ZNF844: variants seen among roughly 807,000 people sequenced by gnomAD.
ZNF844 encodes the protein zinc finger protein 844.
A neutral mutation model predicts 11.4 loss-of-function variants in ZNF844; 11 were observed. The observed-to-expected ratio is 0.97, with a 90% CI of 0.61 to 1.60. The LOEUF is 1.60. Among genes scored for constraint, ZNF844 ranks in the 40% most tolerant of loss-of-function variants. The probability of loss-of-function intolerance (pLI) is 0.00; values close to 1 mark genes in which losing one functional copy is unlikely to be tolerated. For synonymous variants in ZNF844, 248 were observed against 260.3 expected (o/e 0.95, Z 0.46); for missense variants, 790 against 796.8 (o/e 0.99, Z 0.10).
chr19:12,074,204 C>G (rs779441119), intron 2 of ZNF844, 47 bp downstream of exon 2: 1 of 1,609,106 alleles, frequency 6.2e-7, no homozygotes, highest in Non-Finnish European at 8.5e-7. Context: ...ACAAGTGTTT[C>G]TAGCTCATTA....
In ZNF844 at chr19:12,075,931, C is replaced by A; in HGVS notation, c.811C>A (p.His271Asn). Residue 271 changes from histidine (H) to asparagine (N), a missense_variant, in exon 4 of 4, where the codon CAT becomes AAT. Around this residue, in one of 3 missense-constraint regions of ZNF844, gnomAD observed 657 missense variants for 636.2 expected, o/e 1.03. Coordinates refer to ENST00000439326, the MANE Select transcript of ZNF844 (RefSeq NM_001136501.3). ...AFGSPNSLYE[H>N]RRTHTGEKPY... ...CGGTAGTCCCAATTCCCTTTATGAA[C>A]ATAGAAGAACTCACACTGGAGAGAA... 1 of 1,600,310 alleles carries A rather than the reference C, an allele frequency of 6.2e-7. No homozygotes were observed. Among genetic ancestry groups the A allele is most frequent in the Non-Finnish European group, 8.5e-7 (1 of 1,172,584 alleles).
In ZNF844 at chr19:12,077,663, ATCTG is replaced by A. The variant is rs1337330299; in HGVS notation, c.*546_*549del. 1.9e-6 allele frequency: 1 copy of A among 521,498 alleles called. No homozygotes were observed. Among genetic ancestry groups the A allele is most frequent in the East Asian group, 5.2e-5 (1 of 19,316 alleles). The allele number at this position is 521,498 out of a possible 1,614,324, so 32.3% of individuals were successfully genotyped here. ...GTAAGCAATGTGGGAAAGCCTACAG[ATCTG>A]TCTCACAACTTCTGGTGCATGAAAG... On this transcript the variant is annotated 3_prime_UTR_variant, in exon 4 of 4. Transcript: ENST00000439326.
intron 1 of ZNF844, among the ~76,000 whole-genome samples, chr19:12,065,225 C>T (rs1975674838): frequency 2.0e-5 from 3 of 152,090 alleles, no homozygotes; most frequent in South Asian, 2.1e-4. Context: ...GTGTGGGGCT[C>T]GTGCGGGAGG....
chr19:12,065,797 G>C (rs1975681375), intron 1 of ZNF844, among the ~76,000 whole-genome samples: 1 of 151,854 alleles, frequency 6.6e-6, no homozygotes, highest in East Asian at 2.0e-4. Context: ...ACCACGCCCT[G>C]CTGATTTCTG....
chr19:12,073,884 G>A, intron 1 of ZNF844, 147 bp from the exon 2 acceptor site: 1 of 1,025,306 alleles, frequency 9.8e-7, no homozygotes, highest in Non-Finnish European at 1.4e-6. Context: ...GAAAGTAAGT[G>A]TAGACAGAGA....
chr19:12,069,607 A>G (rs1450185681), intron 1 of ZNF844, among the ~76,000 whole-genome samples: 2 of 151,788 alleles, frequency 1.3e-5, no homozygotes, highest in Non-Finnish European at 2.9e-5. Flanking sequence ...GGAGAAAACA[A>G]GGTTAGGAAG....
At chr19:12,074,477 G>A (rs1975785698) in intron 3 of ZNF844, 56 bp downstream of exon 3, 2 of 1,208,974 alleles carry the variant, frequency 1.7e-6, no homozygotes, top group Middle Eastern at 1.9e-4. Context: ...CAGAATGCGA[G>A]AATATGTTAA....
rs1243503918 is a variant in ZNF844 at position 12,064,837 on chromosome 19, A to G, written c.-37A>G. The G allele has an allele frequency of 2.6e-6, 4 of 1,548,402 alleles. No individual in the cohort carries two copies. The highest frequency in any genetic ancestry group is 1.4e-5 in the African/African-American group (1 of 72,918). On this transcript the variant is annotated 5_prime_UTR_variant, in exon 1 of 4. Coordinates refer to ENST00000439326, the MANE Select transcript of ZNF844 (RefSeq NM_001136501.3). ...CTGTCGCCCTGTCGTCTGTGTTGTG[A>G]CTGCTTTGGACGTGGGAGTCACCTG...
At position 12,080,614 on chromosome 19, in the gene ZNF844, G is replaced by A. The variant is rs1357933283; in HGVS notation, c.*3493G>A. ...AATTTGCTCAGAGGTGTGGGCCTTT[G>A]GGTAAAGGTGTCTTCAGAAGCTCCA... On this transcript the variant is annotated 3_prime_UTR_variant, in exon 4 of 4. Coordinates refer to ENST00000439326, the MANE Select transcript of ZNF844 (RefSeq NM_001136501.3). 2 of 161,060 alleles carry A rather than the reference G, an allele frequency of 1.2e-5. No homozygotes were observed. Among genetic ancestry groups the A allele is most frequent in the African/African-American group, 2.4e-5 (1 of 41,532 alleles). The allele number at this position is 161,060 out of a possible 1,614,324, so 10.0% of individuals were successfully genotyped here.
intron 1 of ZNF844, among the ~76,000 whole-genome samples, chr19:12,072,979 C>T (rs566966783): frequency 4.0e-4 from 61 of 152,286 alleles, no homozygotes; most frequent in Non-Finnish European, 6.3e-4. Flanking sequence ...AATATTTGCT[C>T]CAGCATCATG....
At chr19:12,067,593 G>A (rs1240607435) in intron 1 of ZNF844, among the ~76,000 whole-genome samples, 4 of 108,574 alleles carry the variant, frequency 3.7e-5, no homozygotes, top group African/African-American at 1.4e-4. Flanking sequence ...GGCAACAAGA[G>A]TGAAACTCTG....
rs1481150505 is a variant in ZNF844, at chr19:12,071,438, G to A, written c.4-2593G>A. Among the ~76,000 whole-genome samples, 5 of 152,212 alleles carry A rather than the reference G, an allele frequency of 3.3e-5. No individual in the cohort carries two copies. The East Asian group carries it at 9.6e-4, about 29-fold the overall frequency. The stretch of plus-strand genomic sequence containing the variant: ...ATCAGATTTGCTTCAGCTTTAAAGA[G>A]TATGCTTGTGTAAAATTCAATGAAT... On this transcript the variant is annotated intron_variant, in intron 1 of 3. Transcript: ENST00000439326.
In ZNF844 at chr19:12,077,474, G is replaced by C; in HGVS notation, c.*353G>C. The C allele has an allele frequency of 1.6e-6, 1 of 607,744 alleles. No homozygotes were observed. Among genetic ancestry groups the C allele is most frequent in the Non-Finnish European group, 3.1e-6 (1 of 317,898 alleles). The allele number at this position is 607,744 out of a possible 1,614,324, so 37.6% of individuals were successfully genotyped here. ...CCAGAGAGAAACACTATGAATGTAA[G>C]CAGTGTGGGAAAGCCTTCATTTCTT... On this transcript the variant is annotated 3_prime_UTR_variant, in exon 4 of 4. Coordinates refer to ENST00000439326, the MANE Select transcript of ZNF844 (RefSeq NM_001136501.3).
chr19:12,072,721 T>C (rs1160900101), intron 1 of ZNF844, among the ~76,000 whole-genome samples: 1 of 151,914 alleles, frequency 6.6e-6, no homozygotes, highest in Non-Finnish European at 1.5e-5. Context: ...GTAGCTAGGA[T>C]TACAGGCACC....
Position 12,076,487 on chromosome 19 carries a change from C to T in ZNF844, c.1367C>T (p.Pro456Leu). 1 of 1,610,886 alleles carries T rather than the reference C, an allele frequency of 6.2e-7. No individual in the cohort carries two copies. The highest frequency in any genetic ancestry group is 8.5e-7 in the Non-Finnish European group (1 of 1,178,630). ...ATGAGTGTAAGCAATGTGGGAAAGC[C>T]TTCAGATCTGCCTCACACCTTCAAA... ...NRMSVSNVGK[P>L]SDLPHTFKCM... is the part of the protein sequence containing the mutation. The change falls in exon 4 of 4, where the codon CCT becomes CTT. Residue 456 changes from proline (P) to leucine (L), a missense_variant. By Grantham distance (98) the Pro-to-Leu change is moderately conservative. Coordinates refer to ENST00000439326, the MANE Select transcript of ZNF844 (RefSeq NM_001136501.3).
chr19:12,067,059 G>A (rs929270276), intron 1 of ZNF844, among the ~76,000 whole-genome samples: 1 of 152,084 alleles, frequency 6.6e-6, no homozygotes, highest in African/African-American at 2.4e-5. Flanking sequence ...AATTAGCTGG[G>A]TGTGGTGGTA....
chr19:12,071,706 T>TG (rs1450353416), intron 1 of ZNF844, among the ~76,000 whole-genome samples: 1 of 151,788 alleles, frequency 6.6e-6, no homozygotes, highest in Non-Finnish European at 1.5e-5. Context: ...GTTTTTTTTT[T>TG]TTTTTTACTT....
chr19:12,066,964 C>T (rs987568614), intron 1 of ZNF844, among the ~76,000 whole-genome samples: 1 of 152,096 alleles, frequency 6.6e-6, no homozygotes, highest in Non-Finnish European at 1.5e-5. Context: ...TTCAGTGTTA[C>T]AGTTTTTGCA....
chr19:12,070,844 A>G (rs1481749881), intron 1 of ZNF844, among the ~76,000 whole-genome samples: 1 of 152,164 alleles, frequency 6.6e-6, no homozygotes, highest in Non-Finnish European at 1.5e-5. Flanking sequence ...TCTAAAGAGC[A>G]AGGTACCGTA....
Sources: gnomAD v4.1 joint callset for allele counts (sites outside exome capture counted in the v4.1 genomes callset) on GRCh38, gnomAD v4.1.1 for gene constraint, gnomAD v4.1.1 regional missense constraint, MANE v1.5 for transcripts, NCBI Gene and HGNC (gene_info 2026-07-23, HGNC 2026-07-21) for gene names.